Variants in BRD3 observed in about 807,000 individuals in gnomAD.
BRD3 encodes bromodomain-containing protein 3.
Under a neutral mutation model 66.8 loss-of-function variants are expected in BRD3, and 17 were observed. That is an observed-to-expected ratio of 0.25 (90% confidence interval 0.17 to 0.38). The LOEUF is 0.38. Ranked by LOEUF, BRD3 falls within the 10% of genes least tolerant of loss-of-function variation. The probability of loss-of-function intolerance (pLI) is 1.00; values close to 1 mark genes in which losing one functional copy is unlikely to be tolerated. For missense variants in BRD3, 713 were observed against 956.1 expected, an observed-to-expected ratio of 0.75 and a Z score of 3.35; for synonymous variants, 421 against 393.2, an observed-to-expected ratio of 1.07 and a Z score of -0.84.
At chr9:134,061,686 G>A (rs1303769338) in intron 1 of BRD3, among the ~76,000 whole-genome samples, 1 of 152,214 alleles carries the variant, frequency 6.6e-6, no homozygotes, top group Non-Finnish European at 1.5e-5. Context: ...GGGGTCAGAT[G>A]AGCCCCATCT....
In BRD3 at chr9:134,031,131, G is replaced by A. The variant is rs3179785; in HGVS notation, c.*2459C>T. On this transcript the variant is annotated 3_prime_UTR_variant, in exon 12 of 12. Transcript: ENST00000303407. ...ACCAATGCAGCTGCTCAGTGTACCC[G>A]CCGTGGGCTGTCAGGGTCAGTGGCT... is the stretch of plus-strand genomic sequence containing the variant. 423 of 227,952 alleles carry A rather than the reference G, an allele frequency of 1.9e-3. 7 individuals carry two copies. In the South Asian group the frequency reaches 0.035, roughly 19 times the overall value. 14.1% of individuals were successfully genotyped at this position (227,952 alleles called of 1,614,324 possible). A position where few individuals can be genotyped will look rare whatever the true frequency, so the allele number is the denominator to read the frequency against.
rs974154244 is a variant in BRD3 at position 134,048,547 on chromosome 9, C to A, written c.715-93G>T. ...GCGTTTCTGGGGCACTGTCTGCCTG[C>A]CTGGCGCTGGGCTAAGCGGCCACAT... On this transcript the variant is annotated intron_variant, in intron 5 of 11. Transcript: ENST00000303407. 6.4e-6 allele frequency: 10 copies of A among 1,562,980 alleles called. No homozygotes were observed. In the East Asian group the frequency reaches 1.3e-4, roughly 21 times the overall value.
intron 5 of BRD3, 56 bp downstream of exon 5, chr9:134,050,318 C>A: frequency 6.5e-7 from 1 of 1,547,834 alleles, no homozygotes; most frequent in East Asian, 2.3e-5. Flanking sequence ...CTGCCCTGAC[C>A]TCAGGAACCC....
intron 6 of BRD3, among the ~76,000 whole-genome samples, chr9:134,047,066 C>T (rs1368565942): frequency 1.3e-5 from 2 of 152,250 alleles, no homozygotes; most frequent in South Asian, 2.1e-4. Context: ...TCCCCACCCA[C>T]GGCAGTGGAG....
At chr9:134,067,578 G>A (rs1387817553) in intron 1 of BRD3, among the ~76,000 whole-genome samples, 2 of 147,494 alleles carry the variant, frequency 1.4e-5, no homozygotes, top group Non-Finnish European at 3.0e-5. Flanking sequence ...CCGTGAGGGA[G>A]GGCGCGCGGA....
In BRD3 at chr9:134,033,828, C is replaced by G; in HGVS notation, c.2066-123G>C. The G allele has an allele frequency of 1.7e-6, 1 of 592,330 alleles. No individual in the cohort carries two copies. Among genetic ancestry groups the G allele is most frequent in the Non-Finnish European group, 3.0e-6 (1 of 330,386 alleles). 36.7% of individuals were successfully genotyped at this position (592,330 alleles called of 1,614,324 possible). A position where few individuals can be genotyped will look rare whatever the true frequency, so the allele number is the denominator to read the frequency against. On this transcript the variant is annotated intron_variant, in intron 11 of 11. Coordinates refer to ENST00000303407, the MANE Select transcript of BRD3 (RefSeq NM_007371.4). This position sits in a 1 kb window ranked among gnomAD's most constrained non-coding sequence, Gnocchi z 5.1. ...GCCACGACCCACCCACTTCCTGACC[C>G]AGTCGTTTAATAAGTATTTATTGAA...
rs1457631581 is a variant in BRD3 at position 134,045,777 on chromosome 9, C to A, written c.1087-356G>T. 6.6e-6 allele frequency among the ~76,000 whole-genome samples: 1 copy of A among 152,220 alleles called. No individual in the cohort carries two copies. Among genetic ancestry groups the A allele is most frequent in the East Asian group, 1.9e-4 (1 of 5,190 alleles). ...CACAAAGCGGGTAAATCTTCACACG[C>A]CGCCACGCCATCAGCAGCCCCAGGG... On this transcript the variant is annotated intron_variant, in intron 6 of 11. Transcript: ENST00000303407. The surrounding 1 kb of genome is among the most constrained non-coding windows in gnomAD (Gnocchi z 4.8).
chr9:134,048,871 G>A (rs1830232197), intron 5 of BRD3, among the ~76,000 whole-genome samples: 1 of 152,220 alleles, frequency 6.6e-6, no homozygotes, highest in African/African-American at 2.4e-5. Flanking sequence ...GGAACTCCCT[G>A]CTTCCAGGAA....
rs1161094634 is a variant in BRD3, at chr9:134,045,775, C to T, written c.1087-354G>A. ...CACACAAAGCGGGTAAATCTTCACA[C>T]GCCGCCACGCCATCAGCAGCCCCAG... is the stretch of plus-strand genomic sequence containing the variant. On this transcript the variant is annotated intron_variant, in intron 6 of 11. Coordinates refer to ENST00000303407, the MANE Select transcript of BRD3 (RefSeq NM_007371.4). This position sits in a 1 kb window ranked among gnomAD's most constrained non-coding sequence, Gnocchi z 4.8. 3.9e-5 allele frequency among the ~76,000 whole-genome samples: 6 copies of T among 152,210 alleles called. No homozygotes were observed. Among genetic ancestry groups the T allele is most frequent in the East Asian group, 1.9e-4 (1 of 5,188 alleles).
chr9:134,068,180 G>GCGCCCCCGCCCCGC (rs1564564401), upstream of BRD3: 1 of 144,194 alleles, frequency 6.9e-6, no homozygotes, highest in African/African-American at 2.5e-5. Context: ...CCCCGCCCCG[G>GCGCCCCCGCCCCGC]GGGCCCCCGC....
rs201447346 is a variant in BRD3 at position 134,050,548 on chromosome 9, C to T, written c.540G>A (p.Ala180=). Residue 180 remains alanine (A), a synonymous_variant, in exon 5 of 12, where the codon GCG becomes GCA. Coordinates refer to ENST00000303407, the MANE Select transcript of BRD3 (RefSeq NM_007371.4). ...TGGGGGGCACGCTCTGAAAGGGGGTCGCTGGGGAGACAGAGGACACGGCCG... is the reference window on the plus strand; with the variant it reads ...TGGGGGGCACGCTCTGAAAGGGGGTTGCTGGGGAGACAGAGGACACGGCCG... ...QVAAVSSVSP[A]TPFQSVPPTV... is the part of the protein sequence containing the mutation. 8 of 1,604,554 alleles carry T rather than the reference C, an allele frequency of 5.0e-6. No individual in the cohort carries two copies. The African/African-American group carries it at 8.0e-5, about 16-fold the overall frequency.
chr9:134,040,300 T>C (rs909899763), intron 8 of BRD3, 31 bp from the exon 9 acceptor site: 2 of 1,575,286 alleles, frequency 1.3e-6, no homozygotes, highest in Non-Finnish European at 1.7e-6. Flanking sequence ...GAGCAGGTGC[T>C]GGGCACGGCC....
At chr9:134,039,174 G>A (rs1264547062) in intron 9 of BRD3, among the ~76,000 whole-genome samples, 1 of 152,102 alleles carries the variant, frequency 6.6e-6, no homozygotes, top group African/African-American at 2.4e-5. Context: ...ACCTCCAAAG[G>A]GGTATCCTTT....
intron 9 of BRD3, among the ~76,000 whole-genome samples, chr9:134,037,315 T>C (rs867028375): frequency 1.4e-4 from 22 of 152,238 alleles, no homozygotes; most frequent in South Asian, 1.0e-3. Flanking sequence ...CTCACGCCTA[T>C]AATCCCAGCA....
intron 1 of BRD3, among the ~76,000 whole-genome samples, chr9:134,063,059 C>T (rs2132456634): frequency 6.6e-6 from 1 of 152,372 alleles, no homozygotes; most frequent in African/African-American, 2.4e-5. Flanking sequence ...CCCCAGGAGA[C>T]AGGCCTGGCC....
chr9:134,037,443 C>T (rs1432424189), intron 9 of BRD3, among the ~76,000 whole-genome samples: 1 of 152,114 alleles, frequency 6.6e-6, no homozygotes, highest in East Asian at 1.9e-4. Flanking sequence ...CGGTGGCGGG[C>T]ACCTGTAATG....
chr9:134,045,468 A>G lies in BRD3; in HGVS notation c.1087-47T>C. The G allele has an allele frequency of 6.2e-7, 1 of 1,610,288 alleles. No individual in the cohort carries two copies. On this transcript the variant is annotated intron_variant, in intron 6 of 11. Coordinates refer to ENST00000303407, the MANE Select transcript of BRD3 (RefSeq NM_007371.4). This position sits in a 1 kb window ranked among gnomAD's most constrained non-coding sequence, Gnocchi z 4.8. ...GCCAGTGAGCGTGGCCCGTGGCATC[A>G]GGACTCTCTGCCACACCCCACGAGA... is the stretch of plus-strand genomic sequence containing the variant.
chr9:134,054,525 C>G (rs1564557610), intron 1 of BRD3: 1 of 152,322 alleles, frequency 6.6e-6, no homozygotes, highest in East Asian at 1.9e-4. Context: ...TCTAACCCAG[C>G]GCCTGGGACT....
chr9:134,037,562 C>T (rs938041567), intron 9 of BRD3, among the ~76,000 whole-genome samples: 1 of 152,070 alleles, frequency 6.6e-6, no homozygotes, highest in Non-Finnish European at 1.5e-5. Context: ...CACAGCCAGA[C>T]TCCTTCTCAA....
Sources: allele counts gnomAD v4.1 joint callset (sites outside exome capture counted in the v4.1 genomes callset), GRCh38; gene constraint gnomAD v4.1.1; non-coding constraint Gnocchi (gnomAD v3.1); transcripts MANE v1.5; gene names NCBI Gene and HGNC (gene_info 2026-07-23, HGNC 2026-07-21).